The following ARHGAP28 variants were observed in gnomAD, a reference collection of about 807,000 sequenced individuals.
ARHGAP28 encodes the protein Rho GTPase activating protein 28, also known as rho GTPase-activating protein 28.
A neutral mutation model predicts 90.7 loss-of-function variants in ARHGAP28; 56 were observed. The observed-to-expected ratio is 0.62, with a 90% CI of 0.50 to 0.77. The LOEUF is 0.77. Among genes scored for constraint, ARHGAP28 ranks in the 30% least tolerant of loss-of-function variants. ARHGAP28 has a pLI of 0.00. For synonymous variants in ARHGAP28, 308 were observed against 323.3 expected (o/e 0.95, Z 0.51); for missense variants, 869 against 900.9 (o/e 0.96, Z 0.45).
At chr18:6,735,980 G>T (rs951872696) in intron 1 of ARHGAP28, among the ~76,000 whole-genome samples, 9 of 152,178 alleles carry the variant, frequency 5.9e-5, no homozygotes, top group African/African-American at 1.9e-4. Flanking sequence ...TCGGGATAAG[G>T]TGGTGTCTGC....
rs1469662410 is a variant in ARHGAP28, at chr18:6,890,403, C to A, written c.1735-27C>A. On this transcript the variant is annotated intron_variant, in intron 13 of 17. Transcript: ENST00000383472. ...GAGTTTGAATTCAAGTGTTTTCCAT[C>A]CAGTCCAAGCTATTTTTCTTCTCCA... The A allele has an allele frequency of 2.8e-6, 4 of 1,451,268 alleles. No homozygotes were observed. In the Admixed American group the frequency reaches 5.4e-5, roughly 19 times the overall value. The allele number at this position is 1,451,268 out of a possible 1,614,324, so 89.9% of individuals were successfully genotyped here.
Position 6,859,800 on chromosome 18 carries a change from C to G in ARHGAP28, c.637-8C>G. Reference sequence around the variant, plus strand: ...GAATAAGAATGGTACTTTTATTTCTCCATTTAGCCAGATGATGCTTCTCTC... The same window carrying G: ...GAATAAGAATGGTACTTTTATTTCTGCATTTAGCCAGATGATGCTTCTCTC... On this transcript the variant is annotated splice_polypyrimidine_tract_variant and splice_region_variant and intron_variant, in intron 4 of 17. Coordinates refer to ENST00000383472, the MANE Select transcript of ARHGAP28 (RefSeq NM_001366230.1). 1 of 1,612,588 alleles carries G rather than the reference C, an allele frequency of 6.2e-7. No homozygotes were observed. The highest frequency in any genetic ancestry group is 8.5e-7 in the Non-Finnish European group (1 of 1,179,132).
chr18:6,740,432 A>G (rs1036301390), intron 1 of ARHGAP28, among the ~76,000 whole-genome samples: 5 of 152,168 alleles, frequency 3.3e-5, no homozygotes, highest in Admixed American at 2.6e-4. Flanking sequence ...CCTTGGAGCC[A>G]TGGATGATGC....
chr18:6,909,060 T>G (rs1192369875), intron 17 of ARHGAP28, 36 bp downstream of exon 17: 5 of 1,111,392 alleles, frequency 4.5e-6, no homozygotes, highest in Non-Finnish European at 6.7e-6. Flanking sequence ...TGCTAAATTC[T>G]CTGATTACTC....
chr18:6,806,386 A>G (rs966549493), intron 1 of ARHGAP28, among the ~76,000 whole-genome samples: 2 of 152,162 alleles, frequency 1.3e-5, no homozygotes, highest in Admixed American at 1.3e-4. Context: ...ATGGCATAGT[A>G]GACATAGCAC....
At chr18:6,831,488 C>CTTTTTTTTTTTTTCT (rs76200243) in intron 2 of ARHGAP28, among the ~76,000 whole-genome samples, 4 of 69,616 alleles carry the variant, frequency 5.7e-5, no homozygotes, top group African/African-American at 1.9e-4. Context: ...TTTTTTTTTT[C>CTTTTTTTTTTTTTCT]TTTTTTTTTT....
intron 1 of ARHGAP28, among the ~76,000 whole-genome samples, chr18:6,735,656 G>C (rs561735440): frequency 6.6e-6 from 1 of 151,392 alleles, no homozygotes; most frequent in East Asian, 2.0e-4. Flanking sequence ...CTGGACCTAA[G>C]CAATCCTCCC....
rs141192556 is a variant in ARHGAP28, at chr18:6,871,850, A to G, written c.954+1118A>G. On this transcript the variant is annotated intron_variant, in intron 7 of 17. Coordinates refer to ENST00000383472, the MANE Select transcript of ARHGAP28 (RefSeq NM_001366230.1). ...CTCTAGGACTCACGGAGTGCCTTCTACGGGCCTGACACTATACTAGATATT... is the reference window on the plus strand; with the variant it reads ...CTCTAGGACTCACGGAGTGCCTTCTGCGGGCCTGACACTATACTAGATATT... Among the ~76,000 whole-genome samples the G allele has an allele frequency of 1.3e-3, 199 of 152,302 alleles. 1 individual carries two copies. Among genetic ancestry groups the G allele is most frequent in the Middle Eastern group, 3.4e-3 (1 of 294 alleles).
At chr18:6,755,646 A>G (rs1389272690) in intron 1 of ARHGAP28, among the ~76,000 whole-genome samples, 1 of 152,236 alleles carries the variant, frequency 6.6e-6, no homozygotes, top group African/African-American at 2.4e-5. Flanking sequence ...ATTATTCAAA[A>G]TGAGACAATT....
At chr18:6,803,034 A>G (rs2056493602) in intron 1 of ARHGAP28, among the ~76,000 whole-genome samples, 1 of 152,066 alleles carries the variant, frequency 6.6e-6, no homozygotes, top group African/African-American at 2.4e-5. Flanking sequence ...TGATATCTAC[A>G]TATAGCTAGT....
At chr18:6,909,782 C>G (rs932255107) in intron 17 of ARHGAP28, among the ~76,000 whole-genome samples, 2 of 152,072 alleles carry the variant, frequency 1.3e-5, no homozygotes, top group African/African-American at 2.4e-5. Flanking sequence ...AAAACTTCCC[C>G]GCTTGGTCTG....
intron 2 of ARHGAP28, among the ~76,000 whole-genome samples, chr18:6,830,297 TC>T (rs1325612352): frequency 2.0e-5 from 3 of 152,222 alleles, no homozygotes; most frequent in Non-Finnish European, 2.9e-5. Context: ...TCTTTTTTTT[TC>T]TTTACAATGT....
In ARHGAP28 at chr18:6,851,142, G is replaced by T; in HGVS notation, c.636+16G>T. ...TGGTTCCATGGTAAGTTATAGTTGT[G>T]GGGGGATGGTGGTAGGCATGAAATA... On this transcript the variant is annotated intron_variant, in intron 4 of 17. Transcript: ENST00000383472. 1 of 1,609,326 alleles carries T rather than the reference G, an allele frequency of 6.2e-7. No individual in the cohort carries two copies. Among genetic ancestry groups the T allele is most frequent in the Non-Finnish European group, 8.5e-7 (1 of 1,176,342 alleles).
rs111308346 is a variant in ARHGAP28, at chr18:6,905,092, A to C, written c.2031-3868A>C. 1.2e-3 allele frequency among the ~76,000 whole-genome samples: 181 copies of C among 151,788 alleles called. 2 individuals carry two copies. Among genetic ancestry groups the C allele is most frequent in the African/African-American group, 4.2e-3 (174 of 41,480 alleles). On this transcript the variant is annotated intron_variant, in intron 16 of 17. Coordinates refer to ENST00000383472, the MANE Select transcript of ARHGAP28 (RefSeq NM_001366230.1). ...AAGCTTGTATTAATACCCTGATACC[A>C]AAAAAAAGCCATAAAAAAAAACAAA...
intron 1 of ARHGAP28, among the ~76,000 whole-genome samples, chr18:6,731,533 G>A (rs2055882775): frequency 6.6e-6 from 1 of 152,292 alleles, no homozygotes; most frequent in African/African-American, 2.4e-5. Flanking sequence ...AGCGTTACGT[G>A]TCAGAGCTAG....
chr18:6,909,255 CT>C (rs1324522302), intron 17 of ARHGAP28, among the ~76,000 whole-genome samples: 1 of 60,026 alleles, frequency 1.7e-5, no homozygotes, highest in Non-Finnish European at 4.8e-5. Context: ...TGGGTCTTTT[CT>C]TTTCTTTTCT....
chr18:6,909,964 A>AC (rs1434307568), intron 17 of ARHGAP28, among the ~76,000 whole-genome samples: 1 of 151,094 alleles, frequency 6.6e-6, no homozygotes, highest in Non-Finnish European at 1.5e-5. Flanking sequence ...TTATTTCTTC[A>AC]CCCCCCTTTA....
At chr18:6,803,662 A>G (rs2056498428) in intron 1 of ARHGAP28, among the ~76,000 whole-genome samples, 2 of 152,246 alleles carry the variant, frequency 1.3e-5, no homozygotes, top group African/African-American at 4.8e-5. Context: ...TCTTTTTAAG[A>G]AGAAAAATAA....
intron 1 of ARHGAP28, chr18:6,754,640 T>G (rs1405745249): frequency 6.6e-6 from 1 of 152,194 alleles, no homozygotes; most frequent in Non-Finnish European, 1.5e-5. Context: ...ATATGTAAAC[T>G]GTTCTTTTGC....
Sources: allele counts gnomAD v4.1 joint callset (sites outside exome capture counted in the v4.1 genomes callset), GRCh38; gene constraint gnomAD v4.1.1; transcripts MANE v1.5; gene names NCBI Gene and HGNC (gene_info 2026-07-23, HGNC 2026-07-21).